Variants in FTO observed in about 807,000 individuals in gnomAD.
FTO encodes the protein FTO alpha-ketoglutarate dependent dioxygenase.
In FTO, 47 loss-of-function variants were observed where a neutral mutation model predicts 63.9. The observed-to-expected ratio is 0.74, with a 90% CI of 0.58 to 0.94. The LOEUF is 0.94. Ranked by LOEUF, FTO falls within the 40% of genes least tolerant of loss-of-function variation. FTO has a pLI of 0.00. For synonymous variants in FTO, 207 were observed against 224.4 expected, an observed-to-expected ratio of 0.92 and a Z score of 0.69; for missense variants, 562 against 618.1, an observed-to-expected ratio of 0.91 and a Z score of 0.96.
chr16:53,986,279 G>A (rs963690457), intron 8 of FTO, among the ~76,000 whole-genome samples: 5 of 152,172 alleles, frequency 3.3e-5, no homozygotes, highest in South Asian at 2.1e-4. Context: ...ACCTGAGAGT[G>A]AACGTTACCC....
intron 7 of FTO, among the ~76,000 whole-genome samples, chr16:53,912,151 A>G (rs988511478): frequency 6.6e-6 from 1 of 151,218 alleles, no homozygotes; most frequent in Non-Finnish European, 1.5e-5. Context: ...GGGCATTATT[A>G]CAGTATAGCT....
Position 53,826,455 on chromosome 16 carries a change from A to G in FTO, c.715A>G (p.Arg239Gly). The part of the protein sequence containing the change: ...SWHHDENLVD[R>G]SAVAVYSYSC... ...GCATCATGATGAAAATCTGGTGGACAGGTCAGCGGTGGCAGTGTACAGTTA... is the reference window on the plus strand; with the variant it reads ...GCATCATGATGAAAATCTGGTGGACGGGTCAGCGGTGGCAGTGTACAGTTA... The change falls in exon 3 of 9, where the codon AGG (arginine) becomes GGG (glycine). Residue 239 changes from arginine to glycine, a missense_variant. Physicochemically the swap from Arg to Gly is moderately radical, Grantham distance 125. Coordinates refer to ENST00000471389, the MANE Select transcript of FTO (RefSeq NM_001080432.3). 1.2e-6 allele frequency: 2 copies of G among 1,614,198 alleles called. No individual in the cohort carries two copies. The highest frequency in any genetic ancestry group is 1.7e-6 in the Non-Finnish European group (2 of 1,180,022).
chr16:53,880,107 G>C, intron 6 of FTO, 120 bp downstream of exon 6: 1 of 734,160 alleles, frequency 1.4e-6, no homozygotes, highest in South Asian at 1.6e-5. Flanking sequence ...TGATCCTCCT[G>C]TCTCAAGCTC....
intron 8 of FTO, among the ~76,000 whole-genome samples, chr16:53,967,057 A>G (rs1257697819): frequency 6.6e-6 from 1 of 152,210 alleles, no homozygotes; most frequent in Non-Finnish European, 1.5e-5. Context: ...CTTTGATTTC[A>G]TTATAATAAG....
chr16:53,879,691 T>TAAA (rs34252518), intron 5 of FTO, among the ~76,000 whole-genome samples, 153 bp from the exon 6 acceptor site: 3 of 95,104 alleles, frequency 3.2e-5, no homozygotes, highest in African/African-American at 8.1e-5. Flanking sequence ...ATCTCAAAAT[T>TAAA]AAAAAAAAAA....
At chr16:54,055,366 G>T (rs1232378906) in intron 8 of FTO, among the ~76,000 whole-genome samples, 5 of 152,204 alleles carry the variant, frequency 3.3e-5, no homozygotes, top group Non-Finnish European at 5.9e-5. Flanking sequence ...ATGAGCAAAA[G>T]AAAGTGGAAA....
At chr16:54,064,471 A>T (rs564090713) in intron 8 of FTO, among the ~76,000 whole-genome samples, 77 of 152,354 alleles carry the variant, frequency 5.1e-4, no homozygotes, top group Non-Finnish European at 1.0e-3. Context: ...CAGAAGCCTT[A>T]TTAAAGATGT....
intron 8 of FTO, among the ~76,000 whole-genome samples, chr16:53,990,274 G>A (rs750195619): frequency 2.0e-5 from 3 of 152,268 alleles, no homozygotes; most frequent in Admixed American, 6.5e-5. Context: ...ATACCACTTA[G>A]TAGCCTCTTG....
intron 8 of FTO, among the ~76,000 whole-genome samples, chr16:54,036,633 T>G (rs1421282814): frequency 2.0e-5 from 3 of 152,198 alleles, no homozygotes; most frequent in Admixed American, 1.3e-4. Flanking sequence ...AAGAGAGCCT[T>G]TGTGCTAAGC....
chr16:54,049,894 G>A (rs745467207), intron 8 of FTO, among the ~76,000 whole-genome samples: 4 of 152,198 alleles, frequency 2.6e-5, no homozygotes, highest in African/African-American at 7.2e-5. Flanking sequence ...GGCTCTCAGC[G>A]TCAAAGCATT....
At chr16:54,040,850 A>G (rs2085058997) in intron 8 of FTO, 1 of 152,244 alleles carries the variant, frequency 6.6e-6, no homozygotes, top group African/African-American at 2.4e-5. Context: ...AGAAAGCTAA[A>G]CACTGACTTT....
At chr16:53,914,632 G>A (rs1295796792) in intron 7 of FTO, among the ~76,000 whole-genome samples, 1 of 152,066 alleles carries the variant, frequency 6.6e-6, no homozygotes, top group Non-Finnish European at 1.5e-5. Flanking sequence ...TCTCATTACT[G>A]GAAAAGCGCT....
intron 8 of FTO, among the ~76,000 whole-genome samples, 176 bp downstream of exon 8, chr16:53,934,285 G>A (rs1047631887): frequency 3.3e-5 from 5 of 152,170 alleles, no homozygotes; most frequent in African/African-American, 1.2e-4. Flanking sequence ...TACATTAATT[G>A]TAATGATCCA....
chr16:54,047,090 CA>C (rs1484474947), intron 8 of FTO, among the ~76,000 whole-genome samples: 3 of 138,838 alleles, frequency 2.2e-5, no homozygotes, highest in South Asian at 5.1e-4. Context: ...GCAATGGCAA[CA>C]AAAGCCAAAA....
At chr16:53,704,572 A>G (rs1971884978) in intron 1 of FTO, among the ~76,000 whole-genome samples, 1 of 152,162 alleles carries the variant, frequency 6.6e-6, no homozygotes, top group South Asian at 2.1e-4. Flanking sequence ...CTTTCTCATA[A>G]TGGTCTCTGA....
At chr16:53,980,659 A>C (rs1293664156) in intron 8 of FTO, among the ~76,000 whole-genome samples, 2 of 152,202 alleles carry the variant, frequency 1.3e-5, no homozygotes, top group Non-Finnish European at 2.9e-5. Context: ...TATAAATCCA[A>C]GGTGGCATTA....
chr16:53,826,550 A>T, intron 3 of FTO, 59 bp downstream of exon 3: 1 of 1,545,348 alleles, frequency 6.5e-7, no homozygotes, highest in East Asian at 2.2e-5. Flanking sequence ...CGAGTTGTTT[A>T]GGCTCTGGAG....
At chr16:54,103,374 A>G (rs2086681189) in intron 8 of FTO, among the ~76,000 whole-genome samples, 1 of 152,178 alleles carries the variant, frequency 6.6e-6, no homozygotes, top group Non-Finnish European at 1.5e-5. Context: ...CGGCTTCTCA[A>G]GTGGTCATGG....
In FTO at chr16:53,940,165, A is replaced by AT. The variant is rs541232290; in HGVS notation, c.1364+6063dup. ...GTCCTTGTCGTTACCTGTTATTTTCATTTTTTTGGACTGTAGATATCCTAG... is the reference window on the plus strand; with the variant it reads ...GTCCTTGTCGTTACCTGTTATTTTCATTTTTTTTGGACTGTAGATATCCTAG... On this transcript the variant is annotated intron_variant, in intron 8 of 8. Transcript: ENST00000471389. 4.6e-4 allele frequency among the ~76,000 whole-genome samples: 70 copies of AT among 150,952 alleles called. 1 individual carries two copies. In the South Asian group the frequency reaches 0.014, roughly 31 times the overall value.
Sources: allele counts gnomAD v4.1 joint callset (sites outside exome capture counted in the v4.1 genomes callset), GRCh38; gene constraint gnomAD v4.1.1; transcripts MANE v1.5; gene names NCBI Gene and HGNC (gene_info 2026-07-23, HGNC 2026-07-21).